DKK3: variants seen among roughly 807,000 people sequenced by gnomAD.
The protein encoded by DKK3 is dickkopf-related protein 3.
In DKK3, 22 loss-of-function variants were observed where a neutral mutation model predicts 33.2. The ratio of observed to expected loss-of-function variants is 0.66; its 90% CI spans 0.47 to 0.95. The LOEUF (loss-of-function observed/expected upper bound fraction) is 0.95. Among genes scored for constraint, DKK3 ranks in the 40% least tolerant of loss-of-function variants. The probability of loss-of-function intolerance (pLI) is 0.00; values close to 1 mark genes in which losing one functional copy is unlikely to be tolerated. For synonymous variants in DKK3, 194 were observed against 188.8 expected (o/e 1.03, Z -0.23); for missense variants, 398 against 458.4 (o/e 0.87, Z 1.20).
At position 11,965,976 on chromosome 11, in the gene DKK3, C is replaced by A. The variant is rs747678230; in HGVS notation, c.674-11G>T. ...CAGGGAACAGCAGGCCTGGAACCAG[C>A]CCAGAGTCACCCCTGTGTGCCCCGT... On this transcript the variant is annotated splice_polypyrimidine_tract_variant and intron_variant, in intron 5 of 6. Transcript: ENST00000683431. 3 of 1,606,484 alleles carry A rather than the reference C, an allele frequency of 1.9e-6. No homozygotes were observed. Among genetic ancestry groups the A allele is most frequent in the Middle Eastern group, 1.7e-4 (1 of 5,962 alleles).
In DKK3 at chr11:11,965,918, A is replaced by C; in HGVS notation, c.721T>G (p.Cys241Gly). ...AGAAGCCGGCTGGCGGGGTCATGGC[A>C]AAGCTCGCCCTCCACGGGCAGGGGT... ...CTPLPVEGEL[C>G]HDPASRLLDL... Residue 241 changes from cysteine to glycine, a missense_variant, in exon 6 of 7, where the codon TGC becomes GGC. Transcript: ENST00000683431. 6.2e-7 allele frequency: 1 copy of C among 1,613,978 alleles called. No individual in the cohort carries two copies. Among genetic ancestry groups the C allele is most frequent in the Non-Finnish European group, 8.5e-7 (1 of 1,180,022 alleles).
At chr11:11,981,909 C>G (rs1847961559) in intron 3 of DKK3, among the ~76,000 whole-genome samples, 1 of 152,098 alleles carries the variant, frequency 6.6e-6, no homozygotes. Context: ...CCACCCCCAG[C>G]AGAGTTAGCA....
At chr11:11,973,419 C>A (rs1467045827) in intron 3 of DKK3, among the ~76,000 whole-genome samples, 1 of 152,212 alleles carries the variant, frequency 6.6e-6, no homozygotes, top group Non-Finnish European at 1.5e-5. Context: ...CAGGAACTCA[C>A]GGTCAAGGCC....
chr11:11,970,527 G>A (rs762159149), intron 3 of DKK3, among the ~76,000 whole-genome samples: 69 of 152,160 alleles, frequency 4.5e-4, no homozygotes, highest in African/African-American at 1.2e-3. Flanking sequence ...CCTATTCCCC[G>A]GAACCTGTGG....
At chr11:11,968,361 G>A in intron 4 of DKK3, 34 bp downstream of exon 4, 1 of 1,586,476 alleles carries the variant, frequency 6.3e-7, no homozygotes, top group African/African-American at 1.3e-5. Context: ...CTGAGACCCT[G>A]GTGCCACAGC....
Position 11,964,251 on chromosome 11 carries a change from C to T in DKK3, c.*213G>A. The T allele has an allele frequency of 3.1e-6, 2 of 637,956 alleles. No homozygotes were observed. The highest frequency in any genetic ancestry group is 5.3e-6 in the Non-Finnish European group (2 of 374,342). 39.5% of individuals were successfully genotyped at this position (637,956 alleles called of 1,614,324 possible). A position where few individuals can be genotyped will look rare whatever the true frequency, so the allele number is the denominator to read the frequency against. On this transcript the variant is annotated 3_prime_UTR_variant, in exon 7 of 7. Transcript: ENST00000683431. Reference sequence around the variant, plus strand: ...GGCAAACTGCTCCTGCAGTTTAACCCTGCCTGACTCTCCCAAGCACCAGAC... The same window carrying T: ...GGCAAACTGCTCCTGCAGTTTAACCTTGCCTGACTCTCCCAAGCACCAGAC...
chr11:11,994,776 C>G (rs1166685618), intron 3 of DKK3: 1 of 152,144 alleles, frequency 6.6e-6, no homozygotes, highest in East Asian at 1.9e-4. Context: ...ATACACTTTC[C>G]TCTCCCACTT....
chr11:12,000,506 C>CT (rs1430643832), intron 2 of DKK3, among the ~76,000 whole-genome samples: 3,764 of 136,988 alleles, frequency 0.027, 141 homozygotes, highest in African/African-American at 0.09. Context: ...CGTGCCTGGC[C>CT]TTTTTTTTTT....
In DKK3 at chr11:12,008,134, G is replaced by T. The variant is rs1458746403; in HGVS notation, c.213+236C>A. Among the ~76,000 whole-genome samples the T allele has an allele frequency of 6.6e-6, 1 of 152,056 alleles. No homozygotes were observed. Reference sequence around the variant, plus strand: ...GCCCCAGCTACCTAGGGAGGGTCCAGTGCAGAGCCTCTCGGTGGACAGGCT... The same window carrying T: ...GCCCCAGCTACCTAGGGAGGGTCCATTGCAGAGCCTCTCGGTGGACAGGCT... On this transcript the variant is annotated intron_variant, in intron 1 of 6. Coordinates refer to ENST00000683431, the MANE Select transcript of DKK3 (RefSeq NM_001018057.2). The surrounding 1 kb of genome is among the most constrained non-coding windows in gnomAD (Gnocchi z 4.6).
At chr11:11,981,697 C>T (rs1847957381) in intron 3 of DKK3, among the ~76,000 whole-genome samples, 1 of 152,024 alleles carries the variant, frequency 6.6e-6, no homozygotes, top group Non-Finnish European at 1.5e-5. Flanking sequence ...CACACACAGC[C>T]GTCTAGAGAA....
At chr11:11,973,250 T>C (rs1409771455) in intron 3 of DKK3, among the ~76,000 whole-genome samples, 1 of 152,258 alleles carries the variant, frequency 6.6e-6, no homozygotes, top group Non-Finnish European at 1.5e-5. Context: ...GGATAGAATC[T>C]GCCCAGAGGT....
intron 5 of DKK3, among the ~76,000 whole-genome samples, chr11:11,966,641 T>A (rs1847602961): frequency 6.6e-6 from 1 of 152,076 alleles, no homozygotes; most frequent in African/African-American, 2.4e-5. Flanking sequence ...AGCGGGTGAT[T>A]CACAGGTAGA....
chr11:11,969,102 C>T (rs1370839217), intron 3 of DKK3, among the ~76,000 whole-genome samples: 1 of 152,126 alleles, frequency 6.6e-6, no homozygotes, highest in African/African-American at 2.4e-5. Flanking sequence ...CTCATGGCTG[C>T]CAGCTCTGCC....
chr11:11,996,211 G>T (rs371691136), intron 3 of DKK3, among the ~76,000 whole-genome samples: 2 of 152,130 alleles, frequency 1.3e-5, no homozygotes, highest in African/African-American at 4.8e-5. Flanking sequence ...AGAGCCAACC[G>T]TAAAAATCAT....
chr11:11,974,903 GA>G (rs34324085), intron 3 of DKK3, among the ~76,000 whole-genome samples: 26 of 147,426 alleles, frequency 1.8e-4, no homozygotes, highest in South Asian at 2.2e-4. Context: ...ACCCCATCTT[GA>G]AAAAAAAAAG....
Position 11,965,848 on chromosome 11 carries a change from C to A in DKK3, c.791G>T (p.Arg264Leu). Residue 264 changes from arginine to leucine, a missense_variant, in exon 6 of 7, where the codon CGA becomes CTA. Physicochemically the swap from Arg to Leu is moderately radical, Grantham distance 102. Coordinates refer to ENST00000683431, the MANE Select transcript of DKK3 (RefSeq NM_001018057.2). ...WELEPDGALD[R>L]CPCASGLLCQ... ...GAGGAGGCCACTGGCACAAGGGCAT[C>A]GGTCCAAGGCTCCATCAGGCTCTAG... The A allele has an allele frequency of 6.2e-7, 1 of 1,614,144 alleles. No homozygotes were observed. The highest frequency in any genetic ancestry group is 8.5e-7 in the Non-Finnish European group (1 of 1,180,034).
In DKK3 at chr11:11,998,827, C is replaced by A. The variant is rs773090091; in HGVS notation, c.352-48G>T. The A allele has an allele frequency of 5.3e-6, 8 of 1,517,366 alleles. No individual in the cohort carries two copies. The African/African-American group carries it at 1.1e-4, about 21-fold the overall frequency. The allele number at this position is 1,517,366 out of a possible 1,614,324, so 94.0% of individuals were successfully genotyped here. On this transcript the variant is annotated intron_variant, in intron 2 of 6. Coordinates refer to ENST00000683431, the MANE Select transcript of DKK3 (RefSeq NM_001018057.2). ...AAAGTAAAATAGAAGGAATTCTGGA[C>A]AAATTCCACAAGTTGTTTTTGTGTT...
intron 4 of DKK3, among the ~76,000 whole-genome samples, chr11:11,967,853 G>GC (rs1319719428): frequency 6.6e-6 from 1 of 152,164 alleles, no homozygotes; most frequent in Non-Finnish European, 1.5e-5. Context: ...CTGTCCCTCT[G>GC]CCCTCTCTTA....
At chr11:11,992,922 G>A (rs1012600) in intron 3 of DKK3, among the ~76,000 whole-genome samples, 2,173 of 152,024 alleles carry the variant, frequency 0.014, 42 homozygotes, top group African/African-American at 0.048. Context: ...TAAACAAAAC[G>A]AAGATATCTT....
Sources: allele counts gnomAD v4.1 joint callset (sites outside exome capture counted in the v4.1 genomes callset), GRCh38; gene constraint gnomAD v4.1.1; non-coding constraint Gnocchi (gnomAD v3.1); transcripts MANE v1.5; gene names NCBI Gene and HGNC (gene_info 2026-07-23, HGNC 2026-07-21).